The following ACYP2 variants were observed in gnomAD, a reference collection of about 807,000 sequenced individuals.
ACYP2 encodes acylphosphatase 2.
In ACYP2, 12 loss-of-function variants were observed where a neutral mutation model predicts 11.2. That is an observed-to-expected ratio of 1.08 (90% CI 0.69 to 1.74). The LOEUF (loss-of-function observed/expected upper bound fraction) is 1.74. ACYP2 is among the 40% of genes most tolerant of loss of function. The probability of loss-of-function intolerance (pLI) is 0.00; values close to 1 mark genes in which losing one functional copy is unlikely to be tolerated. For synonymous variants in ACYP2, 43 were observed against 32.2 expected, an observed-to-expected ratio of 1.33 and a Z score of -1.13; for missense variants, 134 against 101.9, an observed-to-expected ratio of 1.31 and a Z score of -1.35.
intron 2 of ACYP2, among the ~76,000 whole-genome samples, chr2:54,006,567 G>A (rs1166408295): frequency 1.3e-5 from 2 of 152,176 alleles, no homozygotes; most frequent in South Asian, 2.1e-4. Context: ...GAGATTACAA[G>A]TGTGAGCCGC....
At chr2:54,033,276 C>T (rs890900156) in intron 2 of ACYP2, among the ~76,000 whole-genome samples, 1 of 151,584 alleles carries the variant, frequency 6.6e-6, no homozygotes, top group African/African-American at 2.4e-5. Flanking sequence ...AGGCTCACTG[C>T]AGCCTTGACC....
chr2:54,128,335 G>T (rs1309870039), intron 4 of ACYP2, among the ~76,000 whole-genome samples: 1 of 152,182 alleles, frequency 6.6e-6, no homozygotes, highest in Non-Finnish European at 1.5e-5. Flanking sequence ...GTATCAGCAA[G>T]TGCCTTTCAT....
chr2:54,193,182 G>A (rs1684307332), intron 6 of ACYP2, among the ~76,000 whole-genome samples: 1 of 152,144 alleles, frequency 6.6e-6, no homozygotes, highest in Non-Finnish European at 1.5e-5. Flanking sequence ...TTTTAAAGAG[G>A]AAAAGAGACC....
chr2:54,145,397 C>G (rs1159175124), intron 6 of ACYP2, among the ~76,000 whole-genome samples: 5 of 152,184 alleles, frequency 3.3e-5, no homozygotes, highest in Admixed American at 1.3e-4. Flanking sequence ...TCCAAACAGG[C>G]TGGGGCAAGC....
At chr2:54,161,598 T>G (rs1414841457) in intron 6 of ACYP2, among the ~76,000 whole-genome samples, 1 of 152,198 alleles carries the variant, frequency 6.6e-6, no homozygotes, top group Non-Finnish European at 1.5e-5. Flanking sequence ...ACATGTTCTA[T>G]CCTAACTTTT....
intron 6 of ACYP2, among the ~76,000 whole-genome samples, chr2:54,232,237 T>C (rs1238475220): frequency 6.6e-6 from 1 of 152,182 alleles, no homozygotes; most frequent in Non-Finnish European, 1.5e-5. Context: ...GTATCAGAAA[T>C]GGCTGCAGCA....
chr2:54,233,977 C>A (rs1686359024), intron 6 of ACYP2, among the ~76,000 whole-genome samples: 1 of 152,180 alleles, frequency 6.6e-6, no homozygotes, highest in African/African-American at 2.4e-5. Flanking sequence ...TCAGTGCAGT[C>A]TTTTTCACAT....
chr2:54,057,150 A>C (rs1393393277), intron 3 of ACYP2: 1 of 393,534 alleles, frequency 2.5e-6, no homozygotes, highest in East Asian at 3.6e-5. Context: ...GTCTAGATTG[A>C]CTGATTTCAT....
At chr2:54,181,295 A>T (rs1416543166) in intron 6 of ACYP2, among the ~76,000 whole-genome samples, 1 of 152,196 alleles carries the variant, frequency 6.6e-6, no homozygotes, top group African/African-American at 2.4e-5. Context: ...GACACTTTAG[A>T]CTGGATGGTC....
chr2:53,997,013 T>C (rs1672604907), intron 2 of ACYP2, among the ~76,000 whole-genome samples: 1 of 152,214 alleles, frequency 6.6e-6, no homozygotes, highest in African/African-American at 2.4e-5. Flanking sequence ...CCATTCTGTT[T>C]TTATATAACT....
chr2:54,209,961 C>T (rs1489782111), intron 6 of ACYP2, among the ~76,000 whole-genome samples: 5 of 151,758 alleles, frequency 3.3e-5, no homozygotes, highest in African/African-American at 9.7e-5. Flanking sequence ...GCCAACATGG[C>T]GAAACCCCGT....
chr2:54,190,808 G>A (rs545906977), intron 6 of ACYP2, among the ~76,000 whole-genome samples: 2 of 152,176 alleles, frequency 1.3e-5, no homozygotes, highest in Admixed American at 1.3e-4. Context: ...GTGTCTAACA[G>A]GCATATTAAA....
intron 2 of ACYP2, among the ~76,000 whole-genome samples, chr2:54,045,748 G>A (rs1675486975): frequency 6.6e-6 from 1 of 151,656 alleles, no homozygotes; most frequent in Non-Finnish European, 1.5e-5. Context: ...CCTGGGAGGT[G>A]GAGCTTGCAG....
intron 2 of ACYP2, among the ~76,000 whole-genome samples, chr2:53,984,425 A>G (rs773250924): frequency 6.6e-6 from 1 of 151,534 alleles, no homozygotes; most frequent in Non-Finnish European, 1.5e-5. Flanking sequence ...TCAAAATACA[A>G]AATTAGCTGG....
intron 2 of ACYP2, among the ~76,000 whole-genome samples, chr2:53,979,785 T>A (rs996274139): frequency 6.6e-6 from 1 of 151,892 alleles, no homozygotes; most frequent in African/African-American, 2.4e-5. Flanking sequence ...CCCTGCTACC[T>A]CCACCTCAAG....
At chr2:54,131,743 A>T (rs1224112058) in intron 4 of ACYP2, among the ~76,000 whole-genome samples, 2 of 152,182 alleles carry the variant, frequency 1.3e-5, no homozygotes, top group Non-Finnish European at 1.5e-5. Flanking sequence ...TGCAATTCTT[A>T]CCTGAAATAT....
chr2:54,200,087 T>C (rs1443390590), intron 6 of ACYP2, among the ~76,000 whole-genome samples: 2 of 152,220 alleles, frequency 1.3e-5, no homozygotes, highest in African/African-American at 2.4e-5. Flanking sequence ...ACAGCTTTGC[T>C]CATTCACATG....
chr2:54,280,441 G>A (rs1009497479), intron 6 of ACYP2, among the ~76,000 whole-genome samples: 4 of 152,144 alleles, frequency 2.6e-5, no homozygotes, highest in African/African-American at 9.7e-5. Flanking sequence ...GGTATATGAA[G>A]CTGCAGCTTT....
At chr2:54,189,129 GCA>G (rs1444889909) in intron 6 of ACYP2, among the ~76,000 whole-genome samples, 2 of 152,190 alleles carry the variant, frequency 1.3e-5, no homozygotes, top group African/African-American at 2.4e-5. Context: ...CTATAGTGAA[GCA>G]AATTAACATA....
Sources: allele counts gnomAD v4.1 joint callset (sites outside exome capture counted in the v4.1 genomes callset), GRCh38; gene constraint gnomAD v4.1.1; transcripts MANE v1.5; gene names NCBI Gene and HGNC (gene_info 2026-07-23, HGNC 2026-07-21).